The following TAOK2 variants were observed in gnomAD, a reference collection of about 807,000 sequenced individuals.
TAOK2 encodes serine/threonine-protein kinase TAO2.
A neutral mutation model predicts 122.5 loss-of-function variants in TAOK2; 42 were observed. The observed-to-expected ratio is 0.34, with a 90% CI of 0.27 to 0.44. The LOEUF (loss-of-function observed/expected upper bound fraction) is 0.44, where lower values mean the gene tolerates loss of function less well. Among genes scored for constraint, TAOK2 ranks in the 20% least tolerant of loss-of-function variants. TAOK2 has a pLI of 1.00. For synonymous variants in TAOK2, 704 were observed against 677.6 expected (o/e 1.04, Z -0.61); for missense variants, 1,264 against 1,644.9 (o/e 0.77, Z 4.01).
downstream of TAOK2, chr16:29,989,146 C>T (rs762119149): frequency 1.0e-5 from 10 of 985,346 alleles, no homozygotes; most frequent in Non-Finnish European, 1.2e-5. Context: ...GTTCTTCTCG[C>T]TTGTTCTCGT....
rs144361133 is a variant in TAOK2 at position 29,979,032 on chromosome 16, G to A, written c.411G>A (p.Gln137=). Residue 137 remains glutamine, a synonymous_variant, in exon 6 of 16, where the codon CAG becomes CAA. Coordinates refer to ENST00000308893, the MANE Select transcript of TAOK2 (RefSeq NM_016151.4). This position sits in a 1 kb window ranked among gnomAD's most constrained non-coding sequence, Gnocchi z 4.1. ...CAGCTGTGACCCACGGGGCGCTTCA[G>A]GGCCTGGCATATCTGCACTCCCACA... is the stretch of plus-strand genomic sequence containing the variant. ...EIAAVTHGAL[Q]GLAYLHSHNM... 4.5e-5 allele frequency: 72 copies of A among 1,614,168 alleles called. No individual in the cohort carries two copies. Among genetic ancestry groups the A allele is most frequent in the Admixed American group, 1.7e-4 (10 of 60,024 alleles).
chr16:29,985,914 C>T lies in TAOK2; in HGVS notation c.1992+53C>T. 6.4e-7 allele frequency: 1 copy of T among 1,562,484 alleles called. No homozygotes were observed. On this transcript the variant is annotated intron_variant, in intron 15 of 15. Transcript: ENST00000308893. The surrounding 1 kb of genome is among the most constrained non-coding windows in gnomAD (Gnocchi z 6.9). ...CCGCTCACTCGTGGATCCCAGGGACCCACCCTTTTCCATTTTCCTCATTCT... is the reference window on the plus strand; with the variant it reads ...CCGCTCACTCGTGGATCCCAGGGACTCACCCTTTTCCATTTTCCTCATTCT...
chr16:29,989,013 T>A, downstream of TAOK2: 1 of 985,384 alleles, frequency 1.0e-6, no homozygotes, highest in Non-Finnish European at 1.2e-6. Context: ...AGCCCCTTCT[T>A]ACCCATTTCT....
rs982968365 is a variant in TAOK2 at position 29,986,213 on chromosome 16, T to G, written c.1993-52T>G. 2 of 1,503,982 alleles carry G rather than the reference T, an allele frequency of 1.3e-6. No individual in the cohort carries two copies. Among genetic ancestry groups the G allele is most frequent in the Non-Finnish European group, 1.8e-6 (2 of 1,128,658 alleles). The allele number at this position is 1,503,982 out of a possible 1,614,324, so 93.2% of individuals were successfully genotyped here. The stretch of plus-strand genomic sequence containing the variant: ...CCCTCTGCCAAGGAGCCCTGGCCTC[T>G]CACTTCCTTGATACTGACCAGGCCC... On this transcript the variant is annotated intron_variant, in intron 15 of 15. Transcript: ENST00000308893. The surrounding 1 kb of genome is among the most constrained non-coding windows in gnomAD (Gnocchi z 4.2).
downstream of TAOK2, chr16:29,988,996 A>AG (rs2069900234): frequency 1.0e-6 from 1 of 985,118 alleles, no homozygotes; most frequent in Non-Finnish European, 1.2e-6. Flanking sequence ...GCGGCCCAAA[A>AG]TGGGGCAGCC....
Position 29,983,670 on chromosome 16 carries a change from T to C in TAOK2, c.1422+6T>C, listed in dbSNP as rs1400759268. 16 of 1,604,240 alleles carry C rather than the reference T, an allele frequency of 1.0e-5. No homozygotes were observed. The highest frequency in any genetic ancestry group is 1.4e-5 in the Non-Finnish European group (16 of 1,174,704). Reference sequence around the variant, plus strand: ...CCATCCGAACCGCCTCCCTGGTGAGTGTAGCCATCCTCACTCAGCCTGCTC... The same window carrying C: ...CCATCCGAACCGCCTCCCTGGTGAGCGTAGCCATCCTCACTCAGCCTGCTC... On this transcript the variant is annotated splice_donor_region_variant and intron_variant, in intron 13 of 15. Coordinates refer to ENST00000308893, the MANE Select transcript of TAOK2 (RefSeq NM_016151.4).
chr16:29,985,567 C>T lies in TAOK2; in HGVS notation c.1777C>T (p.Gln593Ter). Reference protein sequence around the residue: ...QKRTYKLRKEQLKEELQENPS... With the variant: ...QKRTYKLRKE The stretch of plus-strand genomic sequence containing the variant: ...GCGGACCTACAAACTTCGCAAGGAA[C>T]AGCTGAAGGAGGTGAGCTAGGGCTG... Residue 593 changes from glutamine (Q) to a stop codon, truncating the protein, a stop_gained, in exon 14 of 16, where the codon CAG (glutamine) becomes TAG (stop). Transcript: ENST00000308893. LOFTEE classifies it high-confidence loss of function. This position sits in a 1 kb window ranked among gnomAD's most constrained non-coding sequence, Gnocchi z 6.9. 6.2e-7 allele frequency: 1 copy of T among 1,601,988 alleles called. No individual in the cohort carries two copies. Among genetic ancestry groups the T allele is most frequent in the Non-Finnish European group, 8.5e-7 (1 of 1,172,200 alleles).
rs769569940 is a variant in TAOK2, at chr16:29,983,313, C to T, written c.1241C>T (p.Ser414Phe). Residue 414 changes from serine (S) to phenylalanine (F), a missense_variant, in exon 12 of 16, where the codon TCC (serine) becomes TTC (phenylalanine). Ser to Phe is a radical substitution (Grantham distance 155). This residue lies in a region of TAOK2 where 122 missense variants were observed against 116.7 expected (regional missense o/e 1.04). Coordinates refer to ENST00000308893, the MANE Select transcript of TAOK2 (RefSeq NM_016151.4). ...GAGCACACAGTCACCTCTCACAGCT[C>T]CATTATCCACCGGCTGCCGGTACAC... The part of the protein sequence containing the change: ...EGEHTVTSHS[S>F]IIHRLPGSDN... The T allele has an allele frequency of 6.3e-7, 1 of 1,599,670 alleles. No individual in the cohort carries two copies. Among genetic ancestry groups the T allele is most frequent in the Non-Finnish European group, 8.5e-7 (1 of 1,178,014 alleles).
downstream of TAOK2, chr16:29,988,572 C>T (rs2069889176): frequency 1.0e-6 from 1 of 985,276 alleles, no homozygotes; most frequent in African/African-American, 1.7e-5. Context: ...TGCACCATGA[C>T]CACCACCGGC....
intron 1 of TAOK2, among the ~76,000 whole-genome samples, chr16:29,975,269 CAT>C (rs1349011021): frequency 2.0e-5 from 3 of 152,206 alleles, no homozygotes; most frequent in East Asian, 1.9e-4. Flanking sequence ...GCCATTCTCT[CAT>C]GTGACATCCC....
chr16:29,991,812 C>CCGCCACCTAGGAAAGGAGGGAGATGTG, downstream of TAOK2: 1 of 426,382 alleles, frequency 2.3e-6, no homozygotes, highest in Non-Finnish European at 4.1e-6. The surrounding 1 kb of genome is among the most constrained non-coding windows in gnomAD (Gnocchi z 5.6). Context: ...GGGTCTCCCT[C>CCGCCACCTAGGAAAGGAGGGAGATGTG]CGCCACCTAG....
At chr16:29,976,051 T>A (rs1429308199) in intron 1 of TAOK2, among the ~76,000 whole-genome samples, 1 of 152,140 alleles carries the variant, frequency 6.6e-6, no homozygotes, top group Non-Finnish European at 1.5e-5. Context: ...GCACAGACCT[T>A]GGTTATTGTT....
chr16:29,985,058 A>G lies in TAOK2; in HGVS notation c.1423-155A>G. 1.0e-6 allele frequency: 1 copy of G among 956,878 alleles called. No homozygotes were observed. The highest frequency in any genetic ancestry group is 1.4e-6 in the Non-Finnish European group (1 of 701,484). The allele number at this position is 956,878 out of a possible 1,614,324, so 59.3% of individuals were successfully genotyped here. A position where few individuals can be genotyped will look rare whatever the true frequency, so the allele number is the denominator to read the frequency against. Reference sequence around the variant, plus strand: ...AGATAATATCACCATTATCCAGTTGAGGAAACAGGCTAGAGTGGCCGTGTG... The same window carrying G: ...AGATAATATCACCATTATCCAGTTGGGGAAACAGGCTAGAGTGGCCGTGTG... On this transcript the variant is annotated intron_variant, in intron 13 of 15. Transcript: ENST00000308893. The surrounding 1 kb of genome is among the most constrained non-coding windows in gnomAD (Gnocchi z 6.9).
intron 1 of TAOK2, 50 bp from the exon 2 acceptor site, chr16:29,977,687 TC>T: frequency 6.5e-7 from 1 of 1,529,814 alleles, no homozygotes; most frequent in African/African-American, 1.4e-5. Flanking sequence ...TCCCTTCCTC[TC>T]CCTGAAGGCT....
At position 29,985,888 on chromosome 16, in the gene TAOK2, C is replaced by G. The variant is rs773055005; in HGVS notation, c.1992+27C>G. 6.2e-7 allele frequency: 1 copy of G among 1,603,822 alleles called. No individual in the cohort carries two copies. The highest frequency in any genetic ancestry group is 8.5e-7 in the Non-Finnish European group (1 of 1,175,288). ...TAGGCATCCCAATCTCTGTTCCCCT[C>G]CCGCTCACTCGTGGATCCCAGGGAC... On this transcript the variant is annotated intron_variant, in intron 15 of 15. Transcript: ENST00000308893. This position sits in a 1 kb window ranked among gnomAD's most constrained non-coding sequence, Gnocchi z 6.9.
chr16:29,989,753 T>C (rs1008347558), downstream of TAOK2: 10 of 1,613,818 alleles, frequency 6.2e-6, no homozygotes, highest in Non-Finnish European at 8.5e-6. Context: ...AAGCTGGCGA[T>C]CTTGGCGGAG....
chr16:29,980,095 G>C (rs1350314677), intron 8 of TAOK2, among the ~76,000 whole-genome samples: 1 of 152,226 alleles, frequency 6.6e-6, no homozygotes, highest in Non-Finnish European at 1.5e-5. Context: ...ACTAGCTTCA[G>C]TTATTTGGAA....
intron 5 of TAOK2, 61 bp from the exon 6 acceptor site, chr16:29,978,913 G>T (rs902099846): frequency 5.0e-6 from 8 of 1,613,456 alleles, no homozygotes; most frequent in Middle Eastern, 1.7e-4. Flanking sequence ...AGGGTTAAGG[G>T]GAGTTTATTC....
Position 29,987,714 on chromosome 16 carries a change from G to T in TAOK2, c.3442G>T (p.Ala1148Ser). Residue 1148 changes from alanine to serine, a missense_variant, in exon 16 of 16, where the codon GCA becomes TCA. Physicochemically the swap from Ala to Ser is moderately conservative, Grantham distance 99. Transcript: ENST00000308893. ...CACCCAACACCCATTAGCTCTGTTG[G>T]CAAGGGTCTGGGTCCTGTGCAAGGG... ...RTTQHPLALL[A>S]RVWVLCKGWN... 1 of 1,614,096 alleles carries T rather than the reference G, an allele frequency of 6.2e-7. No individual in the cohort carries two copies. The highest frequency in any genetic ancestry group is 8.5e-7 in the Non-Finnish European group (1 of 1,179,964).
Sources: gnomAD v4.1 joint callset for allele counts (sites outside exome capture counted in the v4.1 genomes callset) on GRCh38, gnomAD v4.1.1 for gene constraint, gnomAD v4.1.1 regional missense constraint, Gnocchi (gnomAD v3.1) non-coding constraint, MANE v1.5 for transcripts, NCBI Gene and HGNC (gene_info 2026-07-23, HGNC 2026-07-21) for gene names.